The following PTCHD4 variants were observed in gnomAD, a reference collection of about 807,000 sequenced individuals.
PTCHD4 encodes the protein patched domain-containing protein 4.
In PTCHD4, 33 loss-of-function variants were observed where a neutral mutation model predicts 58.1. The observed-to-expected ratio is 0.57, with a 90% confidence interval of 0.43 to 0.76. PTCHD4 has a LOEUF of 0.76. Among genes scored for constraint, PTCHD4 ranks in the 30% least tolerant of loss-of-function variants. The pLI is 0.00. For synonymous variants in PTCHD4, 478 were observed against 409.6 expected (o/e 1.17, Z -2.02); for missense variants, 1,058 against 1,027.1 (o/e 1.03, Z -0.41).
intron 1 of PTCHD4, among the ~76,000 whole-genome samples, chr6:48,099,858 T>C (rs946636633): frequency 1.3e-5 from 2 of 152,212 alleles, no homozygotes; most frequent in African/African-American, 2.4e-5. Flanking sequence ...ATGTTTACTA[T>C]GCAAACAAAT....
intron 4 of PTCHD4, among the ~76,000 whole-genome samples, chr6:47,979,951 T>TACTGCTTTTAAAAGCAAC (rs1767820825): frequency 6.6e-6 from 1 of 152,082 alleles, no homozygotes; most frequent in African/African-American, 2.4e-5. Context: ...TGGAAAGCAA[T>TACTGCTTTTAAAAGCAAC]ACTGCTTTTA....
At chr6:48,014,546 C>T (rs1163745561) in intron 3 of PTCHD4, among the ~76,000 whole-genome samples, 2 of 151,978 alleles carry the variant, frequency 1.3e-5, no homozygotes, top group Non-Finnish European at 1.5e-5. Flanking sequence ...TAGTTCATGG[C>T]TAGTTTATTT....
chr6:47,989,514 G>A (rs1429797096), intron 4 of PTCHD4, among the ~76,000 whole-genome samples: 1 of 152,182 alleles, frequency 6.6e-6, no homozygotes, highest in African/African-American at 2.4e-5. Context: ...CCTGTGCTGT[G>A]TGAAGTCTAG....
intron 4 of PTCHD4, among the ~76,000 whole-genome samples, chr6:47,994,720 A>G: frequency 6.6e-6 from 1 of 152,214 alleles, no homozygotes; most frequent in African/African-American, 2.4e-5. Flanking sequence ...CACTAAACCC[A>G]TGGGTTTCCT....
chr6:48,007,236 T>C (rs1762469246), intron 4 of PTCHD4, among the ~76,000 whole-genome samples: 2 of 149,682 alleles, frequency 1.3e-5, no homozygotes, highest in African/African-American at 4.9e-5. Flanking sequence ...CGAGACTCTG[T>C]CCCCCCAAAA....
chr6:47,933,973 T>A (rs1765915275), intron 4 of PTCHD4, among the ~76,000 whole-genome samples: 1 of 152,224 alleles, frequency 6.6e-6, no homozygotes, highest in African/African-American at 2.4e-5. Context: ...TCAGATGTTA[T>A]CTCTATACTA....
intron 3 of PTCHD4, among the ~76,000 whole-genome samples, chr6:48,065,519 C>T (rs572831332): frequency 7.9e-5 from 12 of 152,186 alleles, no homozygotes; most frequent in Non-Finnish European, 1.8e-4. Context: ...GCCCTTGAAA[C>T]ACAGGAACCA....
At chr6:47,894,782 G>C (rs566219744) in intron 4 of PTCHD4, among the ~76,000 whole-genome samples, 2 of 152,262 alleles carry the variant, frequency 1.3e-5, no homozygotes, top group South Asian at 4.2e-4. Context: ...TTTCCATCTT[G>C]ATAATGTCCA....
In PTCHD4 at chr6:47,878,254, A is replaced by G; in HGVS notation, c.*49T>C. The stretch of plus-strand genomic sequence containing the variant: ...GAGGTCTGAGCTTTACTTGCCCTGC[A>G]TCATTGTGCAATACTGGAAAAGAAA... On this transcript the variant is annotated 3_prime_UTR_variant, in exon 5 of 5. Transcript: ENST00000339488. The G allele has an allele frequency of 2.0e-6, 3 of 1,494,154 alleles. No individual in the cohort carries two copies. Among genetic ancestry groups the G allele is most frequent in the Non-Finnish European group, 2.7e-6 (3 of 1,110,324 alleles). 92.6% of individuals were successfully genotyped at this position (1,494,154 alleles called of 1,614,324 possible).
intron 3 of PTCHD4, among the ~76,000 whole-genome samples, chr6:48,020,783 C>G (rs1188741352): frequency 6.6e-6 from 1 of 152,042 alleles, no homozygotes. Flanking sequence ...CACATTACAG[C>G]ATGATCTCCA....
chr6:48,048,038 A>C (rs201248833), intron 3 of PTCHD4, among the ~76,000 whole-genome samples: 11 of 129,426 alleles, frequency 8.5e-5, no homozygotes, highest in Admixed American at 6.2e-4. Context: ...AAAAAAAAAA[A>C]CCCTTTCATG....
intron 4 of PTCHD4, chr6:47,900,262 T>C (rs1764656488): frequency 1.3e-5 from 2 of 152,274 alleles, no homozygotes; most frequent in East Asian, 1.9e-4. Context: ...GTGTAAAGAG[T>C]TCCTAACCTA....
rs527807868 is a variant in PTCHD4 at position 47,858,179 on chromosome 6, A to T, written c.*20124T>A. ...GAGAGCTCTGAATGAATACTCCAGC[A>T]ATTATAGGAGAGGGAAGGTTTTCAT... is the stretch of plus-strand genomic sequence containing the variant. On this transcript the variant is annotated 3_prime_UTR_variant, in exon 5 of 5. Coordinates refer to ENST00000339488, the MANE Select transcript of PTCHD4 (RefSeq NM_001384253.1). 5.9e-5 allele frequency among the ~76,000 whole-genome samples: 9 copies of T among 152,028 alleles called. No individual in the cohort carries two copies. Among genetic ancestry groups the T allele is most frequent in the Non-Finnish European group, 1.2e-4 (8 of 67,970 alleles).
chr6:48,081,571 G>A (rs1171886674), intron 1 of PTCHD4, among the ~76,000 whole-genome samples: 1 of 152,014 alleles, frequency 6.6e-6, no homozygotes, highest in Non-Finnish European at 1.5e-5. Context: ...TATATTAATA[G>A]AATTAGTATG....
At chr6:48,034,847 G>A (rs1245018689) in intron 3 of PTCHD4, among the ~76,000 whole-genome samples, 1 of 152,128 alleles carries the variant, frequency 6.6e-6, no homozygotes, top group African/African-American at 2.4e-5. Flanking sequence ...TCTTAAAGAA[G>A]TGACTAATAA....
At chr6:48,005,863 G>A (rs1465975644) in intron 4 of PTCHD4, among the ~76,000 whole-genome samples, 1 of 152,196 alleles carries the variant, frequency 6.6e-6, no homozygotes, top group African/African-American at 2.4e-5. Context: ...AAGGACTTAA[G>A]GCAAAGGGAT....
intron 1 of PTCHD4, among the ~76,000 whole-genome samples, chr6:48,110,763 T>C (rs1765854149): frequency 6.8e-6 from 1 of 146,634 alleles, no homozygotes; most frequent in Admixed American, 6.9e-5. Context: ...CTGTGGTTAG[T>C]AATCTTTTCT....
intron 3 of PTCHD4, among the ~76,000 whole-genome samples, chr6:48,062,784 A>G (rs931949249): frequency 3.9e-5 from 6 of 152,212 alleles, no homozygotes; most frequent in Admixed American, 2.0e-4. Flanking sequence ...AGAAAAACAT[A>G]CTAGAATATA....
intron 4 of PTCHD4, among the ~76,000 whole-genome samples, chr6:47,962,468 G>T (rs1425644499): frequency 6.6e-6 from 1 of 152,108 alleles, no homozygotes; most frequent in East Asian, 1.9e-4. Context: ...GTCAAGGAGA[G>T]ACCAGATGGA....
Sources: allele counts gnomAD v4.1 joint callset (sites outside exome capture counted in the v4.1 genomes callset), GRCh38; gene constraint gnomAD v4.1.1; transcripts MANE v1.5; gene names NCBI Gene and HGNC (gene_info 2026-07-23, HGNC 2026-07-21).